SP100: variants seen among roughly 807,000 people sequenced by gnomAD.
SP100 encodes the protein nuclear autoantigen Sp-100.
In SP100, 84 loss-of-function variants were observed where a neutral mutation model predicts 130.0. That is an observed-to-expected ratio of 0.65 (90% CI 0.54 to 0.77). SP100 has a LOEUF of 0.77. Ranked by LOEUF, SP100 falls within the 30% of genes least tolerant of loss-of-function variation. The pLI is 0.00. For synonymous variants in SP100, 331 were observed against 351.7 expected (o/e 0.94, Z 0.66); for missense variants, 978 against 1,052.2 (o/e 0.93, Z 0.97).
intron 27 of SP100, 87 bp downstream of exon 27, chr2:230,541,459 G>T: frequency 8.5e-7 from 1 of 1,176,990 alleles, no homozygotes; most frequent in South Asian, 1.3e-5. Flanking sequence ...CATTCTATTT[G>T]GCTTGTTGAT....
In SP100 at chr2:230,506,436, C is replaced by G; in HGVS notation, c.2004C>G (p.Val668=). ...SIRCGGYTLK[V]LMENKFLPEP... ...GCTGCGGTGGATATACCCTGAAAGTCCTGATGGAGGTATTCTAGTGACAGA... is the reference window on the plus strand; with the variant it reads ...GCTGCGGTGGATATACCCTGAAAGTGCTGATGGAGGTATTCTAGTGACAGA... Residue 668 remains valine, a synonymous_variant, in exon 22 of 29, where the codon GTC becomes GTG. Transcript: ENST00000340126. The G allele has an allele frequency of 6.2e-7, 1 of 1,613,744 alleles. No homozygotes were observed. The highest frequency in any genetic ancestry group is 8.5e-7 in the Non-Finnish European group (1 of 1,179,762).
At chr2:230,531,412 C>G (rs1691695641) in intron 24 of SP100, among the ~76,000 whole-genome samples, 1 of 138,490 alleles carries the variant, frequency 7.2e-6, no homozygotes, top group Admixed American at 7.5e-5. Context: ...ACACCGGGGC[C>G]TGTTGGGGGG....
chr2:230,467,760 C>T (rs1329159144), intron 13 of SP100, among the ~76,000 whole-genome samples: 2 of 152,226 alleles, frequency 1.3e-5, no homozygotes, highest in African/African-American at 4.8e-5. Flanking sequence ...TGGGTGAGGA[C>T]ACAGCCAAAC....
At chr2:230,422,656 GAT>G (rs2062801888) in intron 2 of SP100, among the ~76,000 whole-genome samples, 1 of 152,114 alleles carries the variant, frequency 6.6e-6, no homozygotes, top group Admixed American at 6.5e-5. Context: ...TCTATTCCCT[GAT>G]CTTTGCTTCT....
At chr2:230,489,065 T>A (rs1473961395) in intron 17 of SP100, among the ~76,000 whole-genome samples, 1 of 152,190 alleles carries the variant, frequency 6.6e-6, no homozygotes, top group Non-Finnish European at 1.5e-5. Flanking sequence ...TCACTCCTTT[T>A]CAATTGTTTG....
In SP100 at chr2:230,416,253, C is replaced by T. The variant is rs1341420327; in HGVS notation, c.-44C>T. 1.9e-6 allele frequency: 3 copies of T among 1,583,874 alleles called. No homozygotes were observed. The highest frequency in any genetic ancestry group is 1.7e-6 in the Non-Finnish European group (2 of 1,155,484). On this transcript the variant is annotated 5_prime_UTR_variant, in exon 1 of 29. Coordinates refer to ENST00000340126, the MANE Select transcript of SP100 (RefSeq NM_001080391.2). ...CGCAGGCTGGGCCGACTGAGGGGCT[C>T]AGAGGCCAGGCTCTGAGGCCCACGC...
At chr2:230,481,070 C>T (rs1241877100) in intron 17 of SP100, among the ~76,000 whole-genome samples, 1 of 150,514 alleles carries the variant, frequency 6.6e-6, no homozygotes, top group African/African-American at 2.5e-5. Context: ...TTGGTCCCTT[C>T]GTGGCTTCCT....
At chr2:230,500,517 G>T (rs772399261) in intron 19 of SP100, among the ~76,000 whole-genome samples, 16 of 152,242 alleles carry the variant, frequency 1.1e-4, no homozygotes, top group Non-Finnish European at 2.4e-4. Flanking sequence ...CTGAGAGCAA[G>T]AGAATATACA....
At chr2:230,515,543 G>A in intron 24 of SP100, 1 of 1,600,832 alleles carries the variant, frequency 6.2e-7, no homozygotes, top group Non-Finnish European at 8.5e-7. Context: ...GCAAAAAAGA[G>A]AGTTGTCAAG....
chr2:230,427,213 G>A (rs1376570505), intron 2 of SP100, among the ~76,000 whole-genome samples: 20 of 151,948 alleles, frequency 1.3e-4, no homozygotes, highest in Non-Finnish European at 5.9e-5. Context: ...CCAGGTTGGA[G>A]TGCAGTGGTG....
chr2:230,446,831 A>T lies in SP100; in HGVS notation c.452A>T (p.Lys151Ile), dbSNP rs765002089. Residue 151 changes from lysine to isoleucine, a missense_variant, in exon 5 of 29, where the codon AAA becomes ATA. Transcript: ENST00000340126. ...YKGFENVIHDKLPLQESEEEE... is the reference protein window; with the variant it reads ...YKGFENVIHDILPLQESEEEE... ...TCCCACTCTTCAGTAATCCATGACA[A>T]ATTGCCTCTCCAAGAAAGTGAAGAA... 1.2e-6 allele frequency: 2 copies of T among 1,608,308 alleles called. No homozygotes were observed. The highest frequency in any genetic ancestry group is 1.7e-6 in the Non-Finnish European group (2 of 1,175,120).
chr2:230,496,466 C>T (rs2066671707), intron 18 of SP100, among the ~76,000 whole-genome samples: 1 of 151,994 alleles, frequency 6.6e-6, no homozygotes, highest in South Asian at 2.1e-4. Context: ...TAATTTGGGT[C>T]TAGGAGGAGG....
chr2:230,544,965 C>G lies in SP100; in HGVS notation c.*2019C>G, dbSNP rs921314770. Among the ~76,000 whole-genome samples, 1 of 152,138 alleles carries G rather than the reference C, an allele frequency of 6.6e-6. No homozygotes were observed. The highest frequency in any genetic ancestry group is 2.4e-5 in the African/African-American group (1 of 41,422). On this transcript the variant is annotated 3_prime_UTR_variant, in exon 29 of 29. Transcript: ENST00000340126. ...TAGTAAGGTTGTGGAGAAAAGGGAA[C>G]ATTTATACACTATTGATGGGAGTGT...
chr2:230,515,452 T>C, intron 24 of SP100: 1 of 1,613,784 alleles, frequency 6.2e-7, no homozygotes, highest in Non-Finnish European at 8.5e-7. Context: ...CAAGCAGTTT[T>C]ATGAAAAGAA....
In SP100 at chr2:230,449,658, G is replaced by C. The variant is rs77629037; in HGVS notation, c.684G>C (p.Ser228=). The part of the protein sequence containing the change: ...RKDTTSDKDD[S]LGSQQTNEQC... ...ATACAACCAGTGACAAAGATGATTC[G>C]CTAGGAAGCCAACAAACAAATGAAC... is the stretch of plus-strand genomic sequence containing the variant. Residue 228 remains serine (S), a synonymous_variant, in exon 7 of 29, where the codon TCG becomes TCC. Coordinates refer to ENST00000340126, the MANE Select transcript of SP100 (RefSeq NM_001080391.2). The C allele has an allele frequency of 1.2e-6, 2 of 1,613,978 alleles. No individual in the cohort carries two copies. Among genetic ancestry groups the C allele is most frequent in the Non-Finnish European group, 8.5e-7 (1 of 1,180,006 alleles).
intron 19 of SP100, among the ~76,000 whole-genome samples, chr2:230,501,220 G>A (rs184762031): frequency 6.6e-6 from 1 of 152,244 alleles, no homozygotes; most frequent in Non-Finnish European, 1.5e-5. Context: ...TCCAGCCTGA[G>A]CAACAGAGCA....
intron 18 of SP100, among the ~76,000 whole-genome samples, chr2:230,497,399 G>C (rs2066727611): frequency 6.7e-6 from 1 of 149,530 alleles, no homozygotes; most frequent in Non-Finnish European, 1.5e-5. Context: ...AAAAATGCAG[G>C]GAGATGGTGT....
intron 10 of SP100, among the ~76,000 whole-genome samples, chr2:230,463,257 C>T (rs1044971219): frequency 1.3e-5 from 2 of 152,110 alleles, no homozygotes; most frequent in African/African-American, 4.8e-5. Flanking sequence ...TGAGTTACTT[C>T]CTTTGTGAAA....
chr2:230,534,364 C>G (rs1045386939), intron 24 of SP100, among the ~76,000 whole-genome samples: 3 of 152,178 alleles, frequency 2.0e-5, no homozygotes, highest in African/African-American at 7.2e-5. Context: ...TGAGATTGCA[C>G]CAGTGCATTC....
Sources: allele counts gnomAD v4.1 joint callset (sites outside exome capture counted in the v4.1 genomes callset), GRCh38; gene constraint gnomAD v4.1.1; transcripts MANE v1.5; gene names NCBI Gene and HGNC (gene_info 2026-07-23, HGNC 2026-07-21).